Variants in HDAC9 observed in about 807,000 individuals in gnomAD.
HDAC9 encodes histone deacetylase 9.
In HDAC9, 41 loss-of-function variants were observed where a neutral mutation model predicts 139.4. That is an observed-to-expected ratio of 0.29 (90% CI 0.23 to 0.38). The LOEUF is 0.38. Ranked by LOEUF, HDAC9 falls within the 10% of genes least tolerant of loss-of-function variation. The pLI is 1.00. For synonymous variants in HDAC9, 517 were observed against 476.2 expected (o/e 1.09, Z -1.12); for missense variants, 1,147 against 1,297.0 (o/e 0.88, Z 1.78).
intron 22 of HDAC9, among the ~76,000 whole-genome samples, chr7:18,913,736 A>AT (rs1802940514): frequency 1.5e-5 from 2 of 132,454 alleles, no homozygotes; most frequent in Non-Finnish European, 3.5e-5. Flanking sequence ...ATTTAAAAAG[A>AT]TAATATATTG....
At chr7:18,410,011 C>G (rs1788391511) in intron 1 of HDAC9, among the ~76,000 whole-genome samples, 1 of 150,928 alleles carries the variant, frequency 6.6e-6, no homozygotes, top group African/African-American at 2.5e-5. Context: ...CATAATTTTT[C>G]TTTACCCATT....
In HDAC9 at chr7:18,612,202, A is replaced by G. The variant is rs554035888; in HGVS notation, c.665-17148A>G. 2.6e-5 allele frequency among the ~76,000 whole-genome samples: 4 copies of G among 152,250 alleles called. No individual in the cohort carries two copies. In the South Asian group the frequency reaches 8.3e-4, roughly 32 times the overall value. On this transcript the variant is annotated intron_variant, in intron 6 of 25. Coordinates refer to ENST00000686413, the MANE Select transcript of HDAC9 (RefSeq NM_178425.4). ...TTAATTACATGGGTTTAAATATTCC[A>G]TATAGAGGCTATTACAAAAGGGATC...
chr7:18,161,042 C>A (rs1787596053), intron 1 of HDAC9, among the ~76,000 whole-genome samples: 1 of 152,104 alleles, frequency 6.6e-6, no homozygotes, highest in Non-Finnish European at 1.5e-5. Context: ...CAAGACTGTT[C>A]AGATGATGTT....
At chr7:18,944,872 T>G (rs1324362156) in intron 23 of HDAC9, among the ~76,000 whole-genome samples, 1 of 152,208 alleles carries the variant, frequency 6.6e-6, no homozygotes, top group East Asian at 1.9e-4. Flanking sequence ...TTTGATTCAT[T>G]TCCATTCACA....
intron 1 of HDAC9, among the ~76,000 whole-genome samples, chr7:18,435,059 C>CAAAAAAAAAAAAA (rs376786180): frequency 3.2e-4 from 22 of 67,786 alleles, no homozygotes; most frequent in Admixed American, 6.3e-4. Context: ...ACTACACAGC[C>CAAAAAAAAAAAAA]AAAAAAAAAA....
intron 11 of HDAC9, among the ~76,000 whole-genome samples, chr7:18,650,227 A>C (rs770086440): frequency 1.3e-4 from 20 of 152,168 alleles, no homozygotes; most frequent in Non-Finnish European, 2.2e-4. Context: ...TGTTTAGTGC[A>C]AGAAATGTAT....
rs1562868592 is a variant in HDAC9, at chr7:18,705,868, ATAAAATAAAAT to A, written c.1732-21711_1732-21701del. 4.2e-5 allele frequency among the ~76,000 whole-genome samples: 6 copies of A among 142,624 alleles called. 1 individual carries two copies. Among genetic ancestry groups the A allele is most frequent in the Non-Finnish European group, 9.2e-5 (6 of 65,480 alleles). The allele number at this position is 142,624 out of a possible 152,430, so 93.6% of individuals were successfully genotyped here. ...ACTCTGTCTCAAAAAAAAAAATAAAATAAAATAAAATAAAAGAAATGGTTCAGACCCATAGG... is the reference window on the plus strand; with the variant it reads ...ACTCTGTCTCAAAAAAAAAAATAAAAAAAAGAAATGGTTCAGACCCATAGG... On this transcript the variant is annotated intron_variant, in intron 12 of 25. Transcript: ENST00000686413.
chr7:18,978,839 C>A (rs1263273058), intron 25 of HDAC9, among the ~76,000 whole-genome samples: 1 of 152,096 alleles, frequency 6.6e-6, no homozygotes, highest in Non-Finnish European at 1.5e-5. Flanking sequence ...TGCTGAAGAT[C>A]AAGAAAAGAT....
At chr7:18,712,448 G>C (rs185961237) in intron 12 of HDAC9, among the ~76,000 whole-genome samples, 63 of 152,234 alleles carry the variant, frequency 4.1e-4, no homozygotes, top group Non-Finnish European at 6.9e-4. Context: ...AATAATTCCT[G>C]TTTCAGTGTC....
At chr7:18,887,247 C>A (rs1446403048) in intron 22 of HDAC9, among the ~76,000 whole-genome samples, 1 of 152,186 alleles carries the variant, frequency 6.6e-6, no homozygotes, top group Non-Finnish European at 1.5e-5. Flanking sequence ...CTGGGTTCCG[C>A]TTCCAGAATT....
chr7:18,995,849 T>C (rs1786421657), intron 25 of HDAC9, among the ~76,000 whole-genome samples, 174 bp from the exon 26 acceptor site: 1 of 152,190 alleles, frequency 6.6e-6, no homozygotes, highest in African/African-American at 2.4e-5. Context: ...CGAAAATGTT[T>C]TTCCCCTTGA....
chr7:18,324,598 C>T (rs1272128105), intron 1 of HDAC9, among the ~76,000 whole-genome samples: 1 of 152,164 alleles, frequency 6.6e-6, no homozygotes, highest in African/African-American at 2.4e-5. Flanking sequence ...GGTCCTCACA[C>T]CAGCACGGGC....
At chr7:18,583,990 G>A (rs527252814) in intron 2 of HDAC9, among the ~76,000 whole-genome samples, 2 of 152,158 alleles carry the variant, frequency 1.3e-5, no homozygotes, top group South Asian at 4.2e-4. Context: ...TTGTGGGTAA[G>A]GGTCATACTC....
At chr7:18,660,694 G>T (rs991623935) in intron 11 of HDAC9, among the ~76,000 whole-genome samples, 1 of 152,100 alleles carries the variant, frequency 6.6e-6, no homozygotes, top group Non-Finnish European at 1.5e-5. Flanking sequence ...AATATGATAA[G>T]AAGGAGCCAG....
intron 1 of HDAC9, among the ~76,000 whole-genome samples, chr7:18,441,763 TTTGTTGTTG>T (rs200207868): frequency 1.0e-4 from 15 of 150,210 alleles, no homozygotes; most frequent in Admixed American, 8.6e-4. Flanking sequence ...ACATATATGT[TTTGTTGTTG>T]TTGTTGTTGT....
At chr7:18,683,333 T>A (rs1355347925) in intron 12 of HDAC9, among the ~76,000 whole-genome samples, 1 of 152,046 alleles carries the variant, frequency 6.6e-6, no homozygotes, top group Non-Finnish European at 1.5e-5. Flanking sequence ...GGTCAAAATA[T>A]ATATAAAGCA....
chr7:18,713,409 A>G (rs962565989), intron 12 of HDAC9, among the ~76,000 whole-genome samples: 2 of 152,228 alleles, frequency 1.3e-5, no homozygotes, highest in African/African-American at 4.8e-5. Flanking sequence ...AAGAACAGAG[A>G]CACAAAATAA....
intron 2 of HDAC9, among the ~76,000 whole-genome samples, chr7:18,207,945 C>G (rs1791657835): frequency 1.3e-5 from 2 of 151,998 alleles, no homozygotes; most frequent in Non-Finnish European, 2.9e-5. Flanking sequence ...AACTCCCGAT[C>G]TCAGGTGATC....
chr7:18,679,899 G>T (rs1024997057), intron 12 of HDAC9, among the ~76,000 whole-genome samples: 1 of 151,864 alleles, frequency 6.6e-6, no homozygotes, highest in Non-Finnish European at 1.5e-5. Context: ...CATTTTCTAT[G>T]TCTCTAAGTT....
Sources: gnomAD v4.1 joint callset for allele counts (sites outside exome capture counted in the v4.1 genomes callset) on GRCh38, gnomAD v4.1.1 for gene constraint, MANE v1.5 for transcripts, NCBI Gene and HGNC (gene_info 2026-07-23, HGNC 2026-07-21) for gene names.